The following DNAI1 variants were observed in gnomAD, a reference collection of about 807,000 sequenced individuals.
The protein encoded by DNAI1 is dynein, axonemal, intermediate polypeptide 1.
DNAI1 carries 67 observed loss-of-function variants against 92.0 expected under a neutral mutation model. That is an observed-to-expected ratio of 0.73 (90% CI 0.60 to 0.89). The LOEUF is 0.89. DNAI1 is among the 40% of genes least tolerant of loss of function. The pLI is 0.00. For missense variants in DNAI1, 839 were observed against 866.6 expected (o/e 0.97, Z 0.40); for synonymous variants, 323 against 319.6 (o/e 1.01, Z -0.11).
At chr9:34,473,731 G>A (rs903649515) in intron 1 of DNAI1, among the ~76,000 whole-genome samples, 1 of 151,900 alleles carries the variant, frequency 6.6e-6, no homozygotes, top group Non-Finnish European at 1.5e-5. Context: ...TGGGTTAGTT[G>A]GTTGGTTGGT....
intron 12 of DNAI1, among the ~76,000 whole-genome samples, 164 bp downstream of exon 12, chr9:34,501,345 T>C (rs561256971): frequency 1.3e-5 from 2 of 152,382 alleles, no homozygotes; most frequent in African/African-American, 4.8e-5. Context: ...CAATTAGTGC[T>C]GGGTGAAGGA....
rs538329068 is a variant in DNAI1 at position 34,514,552 on chromosome 9, C to T, written c.1718+10C>T. 37 of 1,614,116 alleles carry T rather than the reference C, an allele frequency of 2.3e-5. No individual in the cohort carries two copies. The highest frequency in any genetic ancestry group is 3.0e-5 in the Non-Finnish European group (35 of 1,180,048). On this transcript the variant is annotated intron_variant, in intron 17 of 19. Transcript: ENST00000242317. The stretch of plus-strand genomic sequence containing the variant: ...GGGACCACACCATCAAGTGAGGGGC[C>T]TGTTCCTGGCTCTGCCTGGGGCCCT...
Position 34,512,323 on chromosome 9 carries a change from G to A in DNAI1, c.1402-14G>A. ...CGTGCCCTCCCCCCCACATCCCTCT[G>A]TCTGTGGCTACAGAGAAAGCTGGTT... On this transcript the variant is annotated splice_polypyrimidine_tract_variant and intron_variant, in intron 14 of 19. Transcript: ENST00000242317. 1.2e-6 allele frequency: 2 copies of A among 1,614,116 alleles called. No homozygotes were observed. The highest frequency in any genetic ancestry group is 2.7e-5 in the African/African-American group (2 of 75,026).
chr9:34,485,389 G>C, intron 3 of DNAI1, 48 bp from the exon 4 acceptor site: 1 of 1,605,642 alleles, frequency 6.2e-7, no homozygotes. Context: ...CCTCAGATAG[G>C]GTTGGGGGGT....
intron 1 of DNAI1, among the ~76,000 whole-genome samples, 162 bp downstream of exon 1, chr9:34,459,215 C>G (rs1823890687): frequency 6.6e-6 from 1 of 152,078 alleles, no homozygotes; most frequent in Non-Finnish European, 1.5e-5. Context: ...CTGACTCTGT[C>G]CTACTCTTTC....
intron 16 of DNAI1, among the ~76,000 whole-genome samples, chr9:34,514,143 G>A (rs1013982752): frequency 6.6e-6 from 1 of 152,170 alleles, no homozygotes; most frequent in Admixed American, 6.5e-5. Context: ...TGGGGTCAGG[G>A]CACTACAGCC....
chr9:34,520,491 G>A (rs1020607021), intron 19 of DNAI1, among the ~76,000 whole-genome samples, 167 bp from the exon 20 acceptor site: 10 of 152,152 alleles, frequency 6.6e-5, no homozygotes, highest in Non-Finnish European at 1.5e-4. Context: ...CACCTAACCC[G>A]AGTTGGGGAA....
At chr9:34,490,268 C>A (rs776403133) in intron 6 of DNAI1, 101 bp from the exon 7 acceptor site, 1 of 1,609,482 alleles carries the variant, frequency 6.2e-7, no homozygotes, top group Non-Finnish European at 8.5e-7. Context: ...GCATCACTCT[C>A]TCCTACCTCT....
chr9:34,520,915 A>C lies in DNAI1; in HGVS notation c.*159A>C. 2 of 751,136 alleles carry C rather than the reference A, an allele frequency of 2.7e-6. No homozygotes were observed. Among genetic ancestry groups the C allele is most frequent in the Non-Finnish European group, 4.6e-6 (2 of 434,522 alleles). The allele number at this position is 751,136 out of a possible 1,614,324, so 46.5% of individuals were successfully genotyped here. A position where few individuals can be genotyped will look rare whatever the true frequency, so the allele number is the denominator to read the frequency against. ...CTGTTCCTTAAGGTCCCAGCACCTT[A>C]CCCCAGGACTTGGTCTTCAACCACC... On this transcript the variant is annotated 3_prime_UTR_variant, in exon 20 of 20. Transcript: ENST00000242317.
At chr9:34,463,146 A>G (rs1823979521) in intron 1 of DNAI1, among the ~76,000 whole-genome samples, 1 of 151,930 alleles carries the variant, frequency 6.6e-6, no homozygotes, top group South Asian at 2.1e-4. Context: ...GCTATGCAAT[A>G]CCCGGGGGTA....
intron 10 of DNAI1, among the ~76,000 whole-genome samples, chr9:34,497,962 C>T (rs576948934): frequency 6.6e-6 from 1 of 152,232 alleles, no homozygotes; most frequent in African/African-American, 2.4e-5. Context: ...TAATGAAGGG[C>T]CTTGAATATC....
At position 34,517,428 on chromosome 9, in the gene DNAI1, C is replaced by T; in HGVS notation, c.1962C>T (p.Ile654=). The T allele has an allele frequency of 6.2e-7, 1 of 1,614,234 alleles. No individual in the cohort carries two copies. Among genetic ancestry groups the T allele is most frequent in the Non-Finnish European group, 8.5e-7 (1 of 1,180,042 alleles). The change falls in exon 19 of 20, where the codon ATC becomes ATT. Residue 654 remains isoleucine, a synonymous_variant. Transcript: ENST00000242317. ...TGGGCGATGACCGTGGGCACATCAT[C>T]AGCCTCAAGCTCTCACCCAATTTGC... The part of the protein sequence containing the change: ...IIVGDDRGHI[I]SLKLSPNLRK...
intron 1 of DNAI1, among the ~76,000 whole-genome samples, chr9:34,465,364 A>T (rs1404652349): frequency 6.6e-6 from 1 of 151,286 alleles, no homozygotes; most frequent in East Asian, 1.9e-4. Context: ...ACAGGACAGG[A>T]GAAGGGATGG....
At chr9:34,483,654 C>T (rs1009177354) in intron 2 of DNAI1, among the ~76,000 whole-genome samples, 174 bp downstream of exon 2, 3 of 152,208 alleles carry the variant, frequency 2.0e-5, no homozygotes, top group East Asian at 3.9e-4. Flanking sequence ...GTTACATCCT[C>T]TCAGATATTT....
chr9:34,489,677 G>A (rs899373954), intron 5 of DNAI1, among the ~76,000 whole-genome samples: 30 of 152,124 alleles, frequency 2.0e-4, no homozygotes, highest in Non-Finnish European at 3.5e-4. Context: ...GTGAAACCCC[G>A]TTTCTACTAA....
intron 1 of DNAI1, among the ~76,000 whole-genome samples, chr9:34,470,108 A>T (rs1024652754): frequency 2.6e-5 from 4 of 152,236 alleles, no homozygotes; most frequent in African/African-American, 9.6e-5. Flanking sequence ...TAAGTTCAGG[A>T]TGCATATTGT....
intron 13 of DNAI1, among the ~76,000 whole-genome samples, chr9:34,510,697 C>T (rs1447491139): frequency 2.0e-5 from 3 of 152,144 alleles, no homozygotes; most frequent in Non-Finnish European, 4.4e-5. Flanking sequence ...ATACAATTTC[C>T]ATGCGGTGCT....
intron 1 of DNAI1, among the ~76,000 whole-genome samples, chr9:34,461,589 G>T (rs1321413030): frequency 2.6e-5 from 4 of 152,214 alleles, no homozygotes. Context: ...GGAGACATTA[G>T]AGACTAGTTA....
intron 15 of DNAI1, 72 bp downstream of exon 15, chr9:34,512,496 G>C (rs1825086297): frequency 7.0e-7 from 1 of 1,437,982 alleles, no homozygotes; most frequent in Middle Eastern, 2.0e-4. Flanking sequence ...AGTGACAGTG[G>C]TCCTTCCCCT....
Sources: gnomAD v4.1 joint callset for allele counts (sites outside exome capture counted in the v4.1 genomes callset) on GRCh38, gnomAD v4.1.1 for gene constraint, MANE v1.5 for transcripts, NCBI Gene and HGNC (gene_info 2026-07-23, HGNC 2026-07-21) for gene names.